CFAP54: variants seen among roughly 807,000 people sequenced by gnomAD.
The protein encoded by CFAP54 is cilia and flagella associated protein 54.
In CFAP54, 290 loss-of-function variants were observed where a neutral mutation model predicts 370.4. The observed-to-expected ratio is 0.78, with a 90% confidence interval of 0.71 to 0.86. The LOEUF is 0.86. Ranked by LOEUF, CFAP54 falls within the 40% of genes least tolerant of loss-of-function variation. The probability of loss-of-function intolerance (pLI) is 0.00; values close to 1 mark genes in which losing one functional copy is unlikely to be tolerated. For synonymous variants in CFAP54, 1,206 were observed against 1,236.5 expected (o/e 0.98, Z 0.52); for missense variants, 3,399 against 3,528.7 (o/e 0.96, Z 0.93).
chr12:96,527,519 C>A, intron 9 of CFAP54, 75 bp downstream of exon 9: 4 of 902,100 alleles, frequency 4.4e-6, no homozygotes, highest in Non-Finnish European at 6.3e-6. Context: ...CATGGTAGTC[C>A]ATACATAGGA....
At chr12:96,610,137 A>C (rs904531654) in intron 26 of CFAP54, among the ~76,000 whole-genome samples, 4 of 152,264 alleles carry the variant, frequency 2.6e-5, no homozygotes, top group South Asian at 2.1e-4. Context: ...TAGAGAGTCC[A>C]GGAATGGCCC....
At chr12:96,595,456 G>A (rs969500054) in intron 25 of CFAP54, among the ~76,000 whole-genome samples, 6 of 152,080 alleles carry the variant, frequency 3.9e-5, no homozygotes, top group African/African-American at 7.2e-5. Flanking sequence ...AGTTATCGCC[G>A]TCATTGTCAC....
chr12:96,716,106 A>G (rs183505143), intron 48 of CFAP54, among the ~76,000 whole-genome samples: 151 of 152,286 alleles, frequency 9.9e-4, no homozygotes, highest in Non-Finnish European at 1.8e-3. Flanking sequence ...TTCCCTTAGC[A>G]TGTCCATTCA....
At chr12:96,661,785 C>T (rs2136518849) in intron 38 of CFAP54, among the ~76,000 whole-genome samples, 1 of 152,288 alleles carries the variant, frequency 6.6e-6, no homozygotes, top group African/African-American at 2.4e-5. Context: ...CCCTCTCTTT[C>T]CTCCTCATAG....
intron 32 of CFAP54, among the ~76,000 whole-genome samples, chr12:96,642,198 A>G (rs1411207427): frequency 6.6e-6 from 1 of 152,136 alleles, no homozygotes; most frequent in East Asian, 1.9e-4. Context: ...GAGCTCTTCC[A>G]GGCTAGCTCT....
intron 22 of CFAP54, among the ~76,000 whole-genome samples, chr12:96,583,307 A>G (rs1592863168): frequency 1.3e-5 from 2 of 152,240 alleles, no homozygotes; most frequent in East Asian, 1.9e-4. Flanking sequence ...AAATGACTAG[A>G]TAATATCATA....
At chr12:96,707,161 G>C (rs1957555981) in intron 47 of CFAP54, among the ~76,000 whole-genome samples, 1 of 152,108 alleles carries the variant, frequency 6.6e-6, no homozygotes, top group African/African-American at 2.4e-5. Context: ...GTGGTGGCCT[G>C]AAAGCCAAGA....
chr12:96,850,879 G>A (rs1381558065), intron 66 of CFAP54, among the ~76,000 whole-genome samples: 1 of 152,104 alleles, frequency 6.6e-6, no homozygotes, highest in Non-Finnish European at 1.5e-5. Flanking sequence ...CAGGAGAACA[G>A]CATGGAGGAA....
chr12:96,621,875 G>GTTTGTTTTTTTTTTTTTTTTTT lies in CFAP54; in HGVS notation c.3771+157_3771+158insGTTTTTTTTTTTTTTTTTTTTT, dbSNP rs1956496257. Among the ~76,000 whole-genome samples, 72 of 50,036 alleles carry GTTTGTTTTTTTTTTTTTTTTTT rather than the reference G, an allele frequency of 1.4e-3. 12 individuals are homozygous for GTTTGTTTTTTTTTTTTTTTTTT. Among genetic ancestry groups the GTTTGTTTTTTTTTTTTTTTTTT allele is most frequent in the Non-Finnish European group, 2.0e-3 (59 of 30,230 alleles). The allele number at this position is 50,036 out of a possible 152,430, so 32.8% of individuals were successfully genotyped here. ...ATTATAGTAAAGAGCTTTTGGGTTT[G>GTTTGTTTTTTTTTTTTTTTTTT]TTTTTTTTTTTTTTTTTTTTTTTTT... On this transcript the variant is annotated intron_variant, in intron 27 of 67. Coordinates refer to ENST00000524981, the MANE Select transcript of CFAP54 (RefSeq NM_001306084.2).
intron 30 of CFAP54, among the ~76,000 whole-genome samples, chr12:96,627,566 T>C (rs564409613): frequency 2.6e-5 from 4 of 152,328 alleles, no homozygotes; most frequent in East Asian, 1.9e-4. Flanking sequence ...ACATGAAACC[T>C]GTTTTTGAAA....
chr12:96,656,163 A>G (rs949371009), intron 36 of CFAP54, among the ~76,000 whole-genome samples: 6 of 152,190 alleles, frequency 3.9e-5, no homozygotes, highest in Non-Finnish European at 8.8e-5. Flanking sequence ...TCAAAACTTA[A>G]AAGAGTCTGG....
intron 63 of CFAP54, among the ~76,000 whole-genome samples, chr12:96,808,214 G>A (rs1015799201): frequency 2.6e-5 from 4 of 152,052 alleles, no homozygotes; most frequent in Non-Finnish European, 4.4e-5. Flanking sequence ...CAGTTCCATT[G>A]TTTTTCTTCT....
chr12:96,727,118 G>A lies in CFAP54; in HGVS notation c.6965+6553G>A, dbSNP rs1289248289. Reference sequence around the variant, plus strand: ...CAACTATGTGGTCAATTTTGGAATAGGTGTGGTGTGGTGCTGAAAAAAATG... The same window carrying A: ...CAACTATGTGGTCAATTTTGGAATAAGTGTGGTGTGGTGCTGAAAAAAATG... On this transcript the variant is annotated intron_variant, in intron 50 of 67. Transcript: ENST00000524981. Among the ~76,000 whole-genome samples, 6 of 152,058 alleles carry A rather than the reference G, an allele frequency of 3.9e-5. No homozygotes were observed. The East Asian group carries it at 1.2e-3, about 29-fold the overall frequency.
chr12:96,763,807 CTT>C (rs1214407466), intron 58 of CFAP54, among the ~76,000 whole-genome samples: 1 of 151,946 alleles, frequency 6.6e-6, no homozygotes, highest in African/African-American at 2.4e-5. Flanking sequence ...TTTTTGTTAA[CTT>C]ATTACACAAA....
At chr12:96,866,328 A>T (rs185827871) in intron 67 of CFAP54, among the ~76,000 whole-genome samples, 18 of 152,272 alleles carry the variant, frequency 1.2e-4, no homozygotes, top group Admixed American at 1.1e-3. Context: ...TCATTAGTTA[A>T]AAAGCTGGGT....
chr12:96,494,307 A>ATTT (rs557686958), intron 1 of CFAP54, among the ~76,000 whole-genome samples: 1 of 146,034 alleles, frequency 6.8e-6, no homozygotes. Flanking sequence ...CCCTTATGTA[A>ATTT]TTTTTTTTTT....
rs1958371258 is a variant in CFAP54, at chr12:96,764,186, A to G, written c.8076A>G (p.Thr2692=). 6.2e-7 allele frequency: 1 copy of G among 1,613,300 alleles called. No individual in the cohort carries two copies. Among genetic ancestry groups the G allele is most frequent in the Admixed American group, 1.7e-5 (1 of 59,932 alleles). Residue 2692 remains threonine, a synonymous_variant, in exon 59 of 68, where the codon ACA becomes ACG. Coordinates refer to ENST00000524981, the MANE Select transcript of CFAP54 (RefSeq NM_001306084.2). ...GAAGAAGTAGTTCTGTTAAAGAAAC[A>G]TCAGCAAATAAATTTGAAATGTACA... ...PLRRSSSVKE[T]SANKFEMYSS...
intron 50 of CFAP54, among the ~76,000 whole-genome samples, chr12:96,730,612 T>A (rs1957909980): frequency 6.6e-6 from 1 of 152,198 alleles, no homozygotes; most frequent in Non-Finnish European, 1.5e-5. Flanking sequence ...AATATTTTTT[T>A]CTCTCCTTAT....
intron 25 of CFAP54, among the ~76,000 whole-genome samples, chr12:96,594,757 C>T (rs1956159755): frequency 6.6e-6 from 1 of 152,036 alleles, no homozygotes; most frequent in Non-Finnish European, 1.5e-5. Context: ...TCAGAAACAA[C>T]ATTTATTCAA....
Sources: allele counts gnomAD v4.1 joint callset (sites outside exome capture counted in the v4.1 genomes callset), GRCh38; gene constraint gnomAD v4.1.1; transcripts MANE v1.5; gene names NCBI Gene and HGNC (gene_info 2026-07-23, HGNC 2026-07-21).